The following PGRMC1 variants were observed in gnomAD, a reference collection of about 807,000 sequenced individuals.
PGRMC1 encodes the protein membrane-associated progesterone receptor component 1.
For synonymous variants in PGRMC1, 73 were observed against 77.3 expected (o/e 0.94, Z 0.29); for missense variants, 145 against 169.0 (o/e 0.86, Z 0.79).
intron 2 of PGRMC1, among the ~76,000 whole-genome samples, chrX:119,242,732 T>C (rs1930847439): frequency 8.9e-6 from 1 of 111,881 alleles, no homozygotes; most frequent in Non-Finnish European, 1.9e-5. Context: ...CCAGATACGT[T>C]GTCTCACCTG....
At chrX:119,237,884 C>T (rs942229586) in intron 1 of PGRMC1, among the ~76,000 whole-genome samples, 1 of 111,554 alleles carries the variant, frequency 9.0e-6, no homozygotes, top group African/African-American at 3.3e-5. Flanking sequence ...GCAAATGAGT[C>T]TCGGGTGGTC....
intron 1 of PGRMC1, among the ~76,000 whole-genome samples, chrX:119,237,958 C>T (rs1226117066): frequency 2.7e-5 from 3 of 111,558 alleles, no homozygotes; most frequent in African/African-American, 9.8e-5. Context: ...TTGCAAAGTC[C>T]TGCTTTATAG....
intron 1 of PGRMC1, among the ~76,000 whole-genome samples, chrX:119,239,132 C>G: frequency 8.9e-6 from 1 of 111,941 alleles, no homozygotes; most frequent in Non-Finnish European, 1.9e-5. Context: ...AGGTTCAAAC[C>G]ATTGCATTTG....
At chrX:119,239,792 C>T (rs1930776555) in intron 1 of PGRMC1, among the ~76,000 whole-genome samples, 1 of 111,709 alleles carries the variant, frequency 9.0e-6, no homozygotes, top group African/African-American at 3.3e-5. Flanking sequence ...CTGCAGATGC[C>T]ATGAGTTAAT....
In PGRMC1 at chrX:119,236,379, GTGGTGGCGAC is replaced by G; in HGVS notation, c.20_29del (p.Val7AlafsTer91). 1 of 1,210,877 alleles carries G rather than the reference GTGGTGGCGAC, an allele frequency of 8.3e-7. No individual in the cohort carries two copies. On this transcript the variant is annotated frameshift_variant, in exon 1 of 3. Transcript: ENST00000217971. LOFTEE classifies it high-confidence loss of function. ...TCCAGAGATCATGGCTGCCGAGGAT[GTGGTGGCGAC>G]TGGCGCCGACCCAAGCGATCTGGAG...
chrX:119,237,093 G>A (rs997628825), intron 1 of PGRMC1, among the ~76,000 whole-genome samples: 3 of 110,975 alleles, frequency 2.7e-5, no homozygotes, highest in African/African-American at 9.9e-5. Context: ...AGGAGGAGGG[G>A]GTAGTGTCGG....
chrX:119,242,622 A>G (rs1433195042), intron 2 of PGRMC1, among the ~76,000 whole-genome samples: 2 of 111,166 alleles, frequency 1.8e-5, no homozygotes, highest in Admixed American at 1.9e-4. Context: ...GGCTTTTCAG[A>G]TCTTTCATAA....
At position 119,236,757 on chromosome X, in the gene PGRMC1, G is replaced by A. The variant is rs985481796; in HGVS notation, c.328+66G>A. On this transcript the variant is annotated intron_variant, in intron 1 of 2. Coordinates refer to ENST00000217971, the MANE Select transcript of PGRMC1 (RefSeq NM_006667.5). ...GGCCCCGGCACGGGGCTGGGCGGGA[G>A]AGAGGCGAGGCGGGAGCGGGGCGCC... is the stretch of plus-strand genomic sequence containing the variant. 1.3e-4 allele frequency: 119 copies of A among 943,533 alleles called. No homozygotes were observed. In the South Asian group the frequency reaches 2.0e-3, roughly 16 times the overall value. The allele number at this position is 943,533 out of a possible 1,213,427, so 77.8% of individuals were successfully genotyped here.
intron 2 of PGRMC1, among the ~76,000 whole-genome samples, 160 bp from the exon 3 acceptor site, chrX:119,242,991 T>C (rs954700128): frequency 8.9e-6 from 1 of 112,768 alleles, no homozygotes; most frequent in South Asian, 3.7e-4. Context: ...AATTCCCTGT[T>C]GGCAAGGACG....
intron 1 of PGRMC1, among the ~76,000 whole-genome samples, chrX:119,237,568 G>T (rs958350935): frequency 4.5e-5 from 5 of 110,605 alleles, no homozygotes; most frequent in Non-Finnish European, 9.5e-5. Flanking sequence ...AAGGTAATAT[G>T]GTATTTAGTC....
rs1930878299 is a variant in PGRMC1, at chrX:119,243,852, T to TCAGACA, written c.*600_*605dup. 1 of 114,604 alleles carries TCAGACA rather than the reference T, an allele frequency of 8.7e-6. No homozygotes were observed. The highest frequency in any genetic ancestry group is 3.2e-5 in the African/African-American group (1 of 30,777). 9.4% of individuals were successfully genotyped at this position (114,604 alleles called of 1,213,427 possible). A position where few individuals can be genotyped will look rare whatever the true frequency, so the allele number is the denominator to read the frequency against. ...GTTGTCCTTGCCCTCACATAGACAC[T>TCAGACA]CAGACACCCTCACAAACACAGTAGT... On this transcript the variant is annotated 3_prime_UTR_variant, in exon 3 of 3. Transcript: ENST00000217971.
At chrX:119,241,540 C>G in intron 2 of PGRMC1, among the ~76,000 whole-genome samples, 1 of 112,014 alleles carries the variant, frequency 8.9e-6, no homozygotes, top group East Asian at 2.8e-4. Context: ...TTACAAAGCT[C>G]TATTTTCTAG....
chrX:119,236,503 G>A lies in PGRMC1; in HGVS notation c.140G>A (p.Arg47His), dbSNP rs1373735779. 8.3e-7 allele frequency: 1 copy of A among 1,210,149 alleles called. No homozygotes were observed. Among genetic ancestry groups the A allele is most frequent in the Non-Finnish European group, 1.1e-6 (1 of 894,825 alleles). Residue 47 changes from arginine (R) to histidine (H), a missense_variant, in exon 1 of 3, where the codon CGC (arginine) becomes CAC (histidine). Transcript: ENST00000217971. The stretch of plus-strand genomic sequence containing the variant: ...ATCTTCCTGCTCTACAAGATCGTGC[G>A]CGGGGACCAGCCGGCGGCCAGCGGC... The part of the protein sequence containing the change: ...LCIFLLYKIV[R>H]GDQPAASGDS...
intron 2 of PGRMC1, among the ~76,000 whole-genome samples, chrX:119,242,426 C>T (rs776367059): frequency 4.5e-5 from 5 of 111,007 alleles, no homozygotes; most frequent in Non-Finnish European, 9.4e-5. Context: ...CTGCTCCTGG[C>T]GCTGGTTCCT....
chrX:119,238,907 T>C (rs1269616851), intron 1 of PGRMC1, among the ~76,000 whole-genome samples: 13 of 112,579 alleles, frequency 1.2e-4, no homozygotes, highest in Admixed American at 7.5e-4. Context: ...CAGACACAAA[T>C]CTCTGCCTAT....
Position 119,236,333 on chromosome X carries a change from C to T in PGRMC1, c.-31C>T, listed in dbSNP as rs200686767. ...AAAGTGGCGAGTTCCGGATCCCTGC[C>T]TAGCGCGGCCCAACCTTTACTCCAG... On this transcript the variant is annotated 5_prime_UTR_variant, in exon 1 of 3. Coordinates refer to ENST00000217971, the MANE Select transcript of PGRMC1 (RefSeq NM_006667.5). 1.4e-4 allele frequency: 158 copies of T among 1,169,891 alleles called. 1 individual carries two copies. The African/African-American group carries it at 2.2e-3, about 16-fold the overall frequency.
At chrX:119,242,375 G>C (rs1482322662) in intron 2 of PGRMC1, among the ~76,000 whole-genome samples, 1 of 109,958 alleles carries the variant, frequency 9.1e-6, no homozygotes, top group African/African-American at 3.3e-5. Flanking sequence ...TTCTTTCAAA[G>C]TACTTCTCAT....
intron 2 of PGRMC1, among the ~76,000 whole-genome samples, chrX:119,242,473 T>A (rs926910392): frequency 8.1e-5 from 9 of 111,601 alleles, no homozygotes; most frequent in Non-Finnish European, 1.7e-4. Flanking sequence ...TGGATCGCCC[T>A]GTTCCCAGTC....
rs768915505 is a variant in PGRMC1 at position 119,236,367 on chromosome X, G to T, written c.4G>T (p.Ala2Ser). Residue 2 changes from alanine to serine, a missense_variant, in exon 1 of 3, where the codon GCT (alanine) becomes TCT (serine). Ala to Ser is a moderately conservative substitution (Grantham distance 99). Coordinates refer to ENST00000217971, the MANE Select transcript of PGRMC1 (RefSeq NM_006667.5). Reference protein sequence around the residue: MAAEDVVATGAD... With the variant: MSAEDVVATGAD... ...CCCAACCTTTACTCCAGAGATCATG[G>T]CTGCCGAGGATGTGGTGGCGACTGG... The T allele has an allele frequency of 8.3e-7, 1 of 1,209,114 alleles. No homozygotes were observed. The highest frequency in any genetic ancestry group is 1.1e-6 in the Non-Finnish European group (1 of 893,610).
Sources: allele counts gnomAD v4.1 joint callset (sites outside exome capture counted in the v4.1 genomes callset), GRCh38; gene constraint gnomAD v4.1.1; transcripts MANE v1.5; gene names NCBI Gene and HGNC (gene_info 2026-07-23, HGNC 2026-07-21).